Variants in POLR1D observed in about 807,000 individuals in gnomAD.
POLR1D encodes RNA polymerase I and III subunit D, also known as DNA-directed RNA polymerases I and III subunit RPAC2.
Under a neutral mutation model 10.8 loss-of-function variants are expected in POLR1D, and 8 were observed. The observed-to-expected ratio is 0.74, with a 90% CI of 0.43 to 1.33. The LOEUF (loss-of-function observed/expected upper bound fraction) is 1.33. Among genes scored for constraint, POLR1D ranks in the 40% most tolerant of loss-of-function variants. The pLI is 0.01. For synonymous variants in POLR1D, 54 were observed against 57.2 expected (o/e 0.94, Z 0.25); for missense variants, 152 against 161.7 (o/e 0.94, Z 0.32).
chr13:27,638,769 G>T (rs780661353), intron 1 of POLR1D, among the ~76,000 whole-genome samples: 13 of 152,172 alleles, frequency 8.5e-5, no homozygotes, highest in Non-Finnish European at 1.3e-4. Context: ...GAGAACTGCA[G>T]ATGATTTGTA....
At chr13:27,655,809 G>A (rs1255204730) in intron 2 of POLR1D, among the ~76,000 whole-genome samples, 1 of 144,106 alleles carries the variant, frequency 6.9e-6, no homozygotes, top group East Asian at 1.9e-4. Context: ...TGAGAGAATA[G>A]AGAATCAAGA....
In POLR1D at chr13:27,663,755, C is replaced by T. The variant is rs372144761; in HGVS notation, c.102-1931C>T. 0.019 allele frequency among the ~76,000 whole-genome samples: 2,950 copies of T among 152,226 alleles called. 87 individuals are homozygous for T. The highest frequency in any genetic ancestry group is 0.067 in the African/African-American group (2,794 of 41,528). On this transcript the variant is annotated intron_variant, in intron 2 of 2. Transcript: ENST00000399697. This position sits in a 1 kb window ranked among gnomAD's most constrained non-coding sequence, Gnocchi z 4.1. The stretch of plus-strand genomic sequence containing the variant: ...GTTGTTTAATGCAGAGAAGAACTGG[C>T]CAGTTTACCACCACTGAGATGGCCC...
At chr13:27,631,711 C>T (rs191893376) in intron 1 of POLR1D, among the ~76,000 whole-genome samples, 6 of 152,248 alleles carry the variant, frequency 3.9e-5, no homozygotes, top group Admixed American at 2.6e-4. Context: ...TGTCCTTGTT[C>T]GCTTCTGAAC....
At chr13:27,642,402 A>G (rs145632133) in intron 1 of POLR1D, among the ~76,000 whole-genome samples, 299 of 152,310 alleles carry the variant, frequency 2.0e-3, no homozygotes, top group African/African-American at 6.5e-3. Context: ...TGGCCACTAC[A>G]GGGGATTGCT....
At chr13:27,627,747 T>TG (rs543401816), downstream of POLR1D, among the ~76,000 whole-genome samples, 11 of 135,120 alleles carry the variant, frequency 8.1e-5, no homozygotes, top group South Asian at 4.8e-4. Context: ...TTTTTTTTTT[T>TG]TTTGTCCCAT....
chr13:27,627,727 GTTTTTTTTTTT>G (rs57621806), downstream of POLR1D, among the ~76,000 whole-genome samples: 3 of 95,424 alleles, frequency 3.1e-5, no homozygotes, highest in African/African-American at 1.1e-4. Context: ...TAAAGTTTTA[GTTTTTTTTTTT>G]TTTTTTTTTT....
In POLR1D at chr13:27,637,657, A is replaced by G. The variant is rs191672711; in HGVS notation, c.27-10722A>G. ...GTATATATATTAACTAAGTTTTTAAAATTGTAAAATGGGATTTAAAATTAC... is the reference window on the plus strand; with the variant it reads ...GTATATATATTAACTAAGTTTTTAAGATTGTAAAATGGGATTTAAAATTAC... On this transcript the variant is annotated intron_variant, in intron 1 of 2. Coordinates refer to the POLR1D transcript ENST00000399697. Among the ~76,000 whole-genome samples, 289 of 152,286 alleles carry G rather than the reference A, an allele frequency of 1.9e-3. 2 individuals are homozygous for G. Among genetic ancestry groups the G allele is most frequent in the African/African-American group, 6.6e-3 (276 of 41,560 alleles).
rs1956380578 is a variant in POLR1D at position 27,663,126 on chromosome 13, A to G, written c.102-2560A>G. On this transcript the variant is annotated intron_variant, in intron 2 of 2. Transcript: ENST00000399697. This position sits in a 1 kb window ranked among gnomAD's most constrained non-coding sequence, Gnocchi z 4.1. ...TGTTGCCGTCCTTAGACTTGGATCT[A>G]TTCTGTGCAGATTTTGGAATTTCTT... Among the ~76,000 whole-genome samples the G allele has an allele frequency of 6.6e-6, 1 of 152,204 alleles. No homozygotes were observed. The highest frequency in any genetic ancestry group is 1.5e-5 in the Non-Finnish European group (1 of 68,044).
At chr13:27,627,774 G>A (rs1956031387), downstream of POLR1D, among the ~76,000 whole-genome samples, 1 of 144,876 alleles carries the variant, frequency 6.9e-6, no homozygotes, top group East Asian at 2.0e-4. Context: ...GTGCAGAATG[G>A]GTGAGTGGAA....
chr13:27,622,774 A>C lies in POLR1D; in HGVS notation c.27-101A>C, dbSNP rs575836696. 3.3e-5 allele frequency: 24 copies of C among 733,850 alleles called. 1 individual carries two copies. Among genetic ancestry groups the C allele is most frequent in the South Asian group, 2.3e-4 (14 of 60,302 alleles). The allele number at this position is 733,850 out of a possible 1,614,324, so 45.5% of individuals were successfully genotyped here. On this transcript the variant is annotated intron_variant, in intron 1 of 1. Coordinates refer to ENST00000302979, the MANE Select transcript of POLR1D (RefSeq NM_015972.4). ...GAATAATTCTGTGTAGCTGGAGTAG[A>C]TTAATAATAATGTGTTGCAATGTGA...
intron 1 of POLR1D, among the ~76,000 whole-genome samples, chr13:27,644,815 A>G (rs947127507): frequency 1.3e-5 from 2 of 152,148 alleles, no homozygotes. Context: ...TACTTCTTTC[A>G]TCACCTCATT....
chr13:27,649,508 T>G (rs371217306), intron 2 of POLR1D, among the ~76,000 whole-genome samples: 2 of 152,228 alleles, frequency 1.3e-5, no homozygotes, highest in Non-Finnish European at 2.9e-5. Flanking sequence ...TTGGTATTGC[T>G]ATTCTGAAAA....
intron 1 of POLR1D, among the ~76,000 whole-genome samples, chr13:27,644,276 A>G (rs1314696486): frequency 6.6e-6 from 1 of 152,146 alleles, no homozygotes; most frequent in Non-Finnish European, 1.5e-5. Context: ...CCTTCTGTAC[A>G]CTGGAACAGT....
intron 1 of POLR1D, chr13:27,648,217 T>G (rs1370219746): frequency 1.8e-6 from 1 of 557,878 alleles, no homozygotes; most frequent in Non-Finnish European, 3.3e-6. Flanking sequence ...AGTTTCTTTT[T>G]AATTTATGTG....
At chr13:27,657,671 A>C (rs746748684) in intron 2 of POLR1D, among the ~76,000 whole-genome samples, 3 of 152,252 alleles carry the variant, frequency 2.0e-5, no homozygotes, top group Non-Finnish European at 2.9e-5. Context: ...AGATCTCATC[A>C]ATCAAGTTTG....
chr13:27,643,165 G>A (rs1956190468), intron 1 of POLR1D, among the ~76,000 whole-genome samples: 3 of 152,158 alleles, frequency 2.0e-5, no homozygotes, highest in African/African-American at 7.2e-5. Context: ...TCAGGGAAGA[G>A]CCTAATTCAC....
intron 2 of POLR1D, among the ~76,000 whole-genome samples, chr13:27,659,989 T>G (rs1956348208): frequency 6.6e-6 from 1 of 151,952 alleles, no homozygotes; most frequent in African/African-American, 2.4e-5. Context: ...TTTTTATTAC[T>G]TTTAGGTACA....
intron 1 of POLR1D, among the ~76,000 whole-genome samples, chr13:27,633,666 G>A (rs1956095635): frequency 6.6e-6 from 1 of 152,178 alleles, no homozygotes; most frequent in South Asian, 2.1e-4. Context: ...TTTCCCTTGG[G>A]TCCTCATGAG....
intron 1 of POLR1D, among the ~76,000 whole-genome samples, chr13:27,638,075 C>T (rs1956142584): frequency 6.6e-6 from 1 of 152,148 alleles, no homozygotes. Flanking sequence ...ATGTTTGATG[C>T]CTAGAGTGTG....
Sources: allele counts gnomAD v4.1 joint callset (sites outside exome capture counted in the v4.1 genomes callset), GRCh38; gene constraint gnomAD v4.1.1; non-coding constraint Gnocchi (gnomAD v3.1); transcripts MANE v1.5; gene names NCBI Gene and HGNC (gene_info 2026-07-23, HGNC 2026-07-21).